The following CNTN4 variants were observed in gnomAD, a reference collection of about 807,000 sequenced individuals.
CNTN4 encodes contactin 4.
Under a neutral mutation model 122.5 loss-of-function variants are expected in CNTN4, and 77 were observed. The observed-to-expected ratio is 0.63, with a 90% confidence interval of 0.52 to 0.76. The LOEUF (loss-of-function observed/expected upper bound fraction) is 0.76, where lower values mean the gene tolerates loss of function less well. Among genes scored for constraint, CNTN4 ranks in the 30% least tolerant of loss-of-function variants. The pLI is 0.00. For synonymous variants in CNTN4, 512 were observed against 447.0 expected (o/e 1.15, Z -1.83); for missense variants, 1,256 against 1,259.1 (o/e 1.00, Z 0.04).
At chr3:2,220,853 C>T (rs1435730162) in intron 2 of CNTN4, among the ~76,000 whole-genome samples, 1 of 152,032 alleles carries the variant, frequency 6.6e-6, no homozygotes, top group African/African-American at 2.4e-5. Context: ...TCCAAGGAGA[C>T]TGACTCTGGA....
At position 2,559,831 on chromosome 3, in the gene CNTN4, G is replaced by C. The variant is rs575616056; in HGVS notation, c.-88-11585G>C. 1.1e-3 allele frequency among the ~76,000 whole-genome samples: 164 copies of C among 152,334 alleles called. 3 individuals are homozygous for C. The South Asian group carries it at 0.014, about 13-fold the overall frequency. ...TGAGGTGTACTTCTGCTCTTTGAGA[G>C]TATGTGTTCATAGGCAAATAAACCT... On this transcript the variant is annotated intron_variant, in intron 3 of 24. Transcript: ENST00000418658.
intron 2 of CNTN4, among the ~76,000 whole-genome samples, chr3:2,142,187 A>G (rs1431781760): frequency 2.0e-5 from 3 of 152,152 alleles, no homozygotes; most frequent in African/African-American, 2.4e-5. Context: ...GTGGGTGCTT[A>G]TATTTTTTTC....
At chr3:2,153,542 G>A (rs754836082) in intron 2 of CNTN4, among the ~76,000 whole-genome samples, 11 of 152,184 alleles carry the variant, frequency 7.2e-5, no homozygotes, top group Non-Finnish European at 1.3e-4. Flanking sequence ...GAGAGCAACT[G>A]GAGATAGAGA....
Position 2,559,577 on chromosome 3 carries a change from AG to A in CNTN4, c.-88-11838del, listed in dbSNP as rs202184357. ...CCCATAGTAAGTACTCAAGAAAAAAAGAAAAAGGTTGTCATTTTTATCACTT... is the reference window on the plus strand; with the variant it reads ...CCCATAGTAAGTACTCAAGAAAAAAAAAAAAGGTTGTCATTTTTATCACTT... On this transcript the variant is annotated intron_variant, in intron 3 of 24. Coordinates refer to ENST00000418658, the MANE Select transcript of CNTN4 (RefSeq NM_175607.3). Among the ~76,000 whole-genome samples, 408 of 151,128 alleles carry A rather than the reference AG, an allele frequency of 2.7e-3. 1 individual carries two copies. The highest frequency in any genetic ancestry group is 4.1e-3 in the Admixed American group (63 of 15,184).
chr3:2,242,194 C>G (rs1031917205), intron 2 of CNTN4, among the ~76,000 whole-genome samples: 2 of 152,070 alleles, frequency 1.3e-5, no homozygotes, highest in Non-Finnish European at 2.9e-5. Context: ...TTTTCTTTGA[C>G]CATTCTTGCT....
Position 2,808,361 on chromosome 3 carries a change from A to G in CNTN4, c.359-11125A>G, listed in dbSNP as rs140784845. ...CTTGAATGTATCTGATTTGCCTTCT[A>G]AGGTGCCTATTTATTAAGAAGATTG... On this transcript the variant is annotated intron_variant, in intron 6 of 24. Transcript: ENST00000418658. 1.8e-4 allele frequency among the ~76,000 whole-genome samples: 27 copies of G among 152,288 alleles called. No individual in the cohort carries two copies. The East Asian group carries it at 5.2e-3, about 29-fold the overall frequency.
At chr3:2,283,307 A>G (rs891801412) in intron 2 of CNTN4, among the ~76,000 whole-genome samples, 1 of 152,164 alleles carries the variant, frequency 6.6e-6, no homozygotes, top group African/African-American at 2.4e-5. Context: ...AAAATATTGC[A>G]TAAATAATAT....
chr3:3,027,871 T>C (rs1698860715), intron 15 of CNTN4, among the ~76,000 whole-genome samples: 1 of 152,204 alleles, frequency 6.6e-6, no homozygotes, highest in Non-Finnish European at 1.5e-5. Flanking sequence ...TGACTACCTT[T>C]TGTAAAGACA....
intron 6 of CNTN4, 49 bp downstream of exon 6, chr3:2,745,746 C>T (rs1180724755): frequency 6.6e-7 from 1 of 1,523,496 alleles, no homozygotes; most frequent in Admixed American, 1.7e-5. Context: ...AGTTTGTGTA[C>T]CATTATACCA....
At chr3:2,369,800 G>GT (rs2045562007) in intron 3 of CNTN4, among the ~76,000 whole-genome samples, 1 of 152,062 alleles carries the variant, frequency 6.6e-6, no homozygotes, top group Non-Finnish European at 1.5e-5. Context: ...AAAAGAAATA[G>GT]TAACAGTTGC....
chr3:2,574,424 C>T (rs561529384), intron 4 of CNTN4, among the ~76,000 whole-genome samples: 25 of 152,072 alleles, frequency 1.6e-4, no homozygotes, highest in African/African-American at 5.3e-4. Flanking sequence ...AAGACAGGAT[C>T]CAAATATACA....
intron 2 of CNTN4, among the ~76,000 whole-genome samples, chr3:2,149,821 G>A (rs1293806936): frequency 6.6e-6 from 1 of 152,112 alleles, no homozygotes; most frequent in East Asian, 1.9e-4. Flanking sequence ...GTAGTTGCAG[G>A]TTGTGTAGTT....
At position 2,371,379 on chromosome 3, in the gene CNTN4, T is replaced by C. The variant is rs2045627951; in HGVS notation, c.-89+32146T>C. On this transcript the variant is annotated intron_variant, in intron 3 of 24. Transcript: ENST00000418658. ...TCAATACAATTTACCTTTAACACCC[T>C]ATTTAAAATTACAAACCCCAACCCC... 2.0e-5 allele frequency among the ~76,000 whole-genome samples: 3 copies of C among 152,180 alleles called. No individual in the cohort carries two copies. In the South Asian group the frequency reaches 6.2e-4, roughly 32 times the overall value.
intron 2 of CNTN4, among the ~76,000 whole-genome samples, chr3:2,122,599 G>A (rs1172505765): frequency 6.6e-6 from 1 of 152,062 alleles, no homozygotes; most frequent in East Asian, 1.9e-4. Flanking sequence ...TATATCTGTA[G>A]GATAAATTCC....
At position 2,798,913 on chromosome 3, in the gene CNTN4, T is replaced by G. The variant is rs548522669; in HGVS notation, c.359-20573T>G. ...TCTATTTTCAGTTCTTTGAGAAATC[T>G]CTATACTGTTTTCCATAGAGTTGTA... is the stretch of plus-strand genomic sequence containing the variant. On this transcript the variant is annotated intron_variant, in intron 6 of 24. Transcript: ENST00000418658. Among the ~76,000 whole-genome samples the G allele has an allele frequency of 5.9e-5, 9 of 152,292 alleles. No individual in the cohort carries two copies. The South Asian group carries it at 1.7e-3, about 28-fold the overall frequency.
intron 10 of CNTN4, among the ~76,000 whole-genome samples, chr3:2,899,773 G>A (rs1468002635): frequency 2.0e-5 from 3 of 152,096 alleles, no homozygotes; most frequent in African/African-American, 7.2e-5. Flanking sequence ...GATTTCCTGA[G>A]GAGGTTTGAT....
At chr3:2,970,571 C>T (rs916456159) in intron 13 of CNTN4, among the ~76,000 whole-genome samples, 7 of 151,874 alleles carry the variant, frequency 4.6e-5, no homozygotes, top group East Asian at 3.9e-4. Context: ...CTCAGCCTCC[C>T]GGGTGGTTGG....
chr3:2,444,970 C>T (rs116119540), intron 3 of CNTN4, among the ~76,000 whole-genome samples: 2,190 of 151,474 alleles, frequency 0.014, 60 homozygotes, highest in African/African-American at 0.051. Flanking sequence ...CCTGAAATGC[C>T]GCATCCCCCC....
intron 4 of CNTN4, among the ~76,000 whole-genome samples, chr3:2,682,981 A>C (rs1576446703): frequency 6.6e-6 from 1 of 152,262 alleles, no homozygotes; most frequent in East Asian, 1.9e-4. Context: ...GGGACAGACC[A>C]TACCAATCAC....
Sources: allele counts gnomAD v4.1 joint callset (sites outside exome capture counted in the v4.1 genomes callset), GRCh38; gene constraint gnomAD v4.1.1; transcripts MANE v1.5; gene names NCBI Gene and HGNC (gene_info 2026-07-23, HGNC 2026-07-21).